The following RANBP2 variants were observed in gnomAD, a reference collection of about 807,000 sequenced individuals.
RANBP2 encodes the protein RAN binding protein 2.
Under a neutral mutation model 303.6 loss-of-function variants are expected in RANBP2, and 57 were observed. The observed-to-expected ratio is 0.19, with a 90% confidence interval of 0.15 to 0.23. The LOEUF (loss-of-function observed/expected upper bound fraction) is 0.23. RANBP2 is among the 10% of genes least tolerant of loss of function. The probability of loss-of-function intolerance (pLI) is 1.00; values close to 1 mark genes in which losing one functional copy is unlikely to be tolerated. For missense variants in RANBP2, 3,138 were observed against 3,780.8 expected, an observed-to-expected ratio of 0.83 and a Z score of 4.46; for synonymous variants, 1,167 against 1,301.5, an observed-to-expected ratio of 0.90 and a Z score of 2.23.
chr2:108,858,765 G>A, the RANBP2 span, among the ~76,000 whole-genome samples: 1 of 151,700 alleles, frequency 6.6e-6, no homozygotes, highest in Admixed American at 6.6e-5. Context: ...TTTATTGTGT[G>A]ATGCTGAGGT....
chr2:109,235,089 G>A, the RANBP2 span, among the ~76,000 whole-genome samples: 6 of 152,214 alleles, frequency 3.9e-5, no homozygotes, highest in Non-Finnish European at 8.8e-5. Flanking sequence ...TTTAGAACCA[G>A]ACCACAGAGC....
At chr2:108,843,447 C>T in the RANBP2 span, among the ~76,000 whole-genome samples, 9 of 152,198 alleles carry the variant, frequency 5.9e-5, no homozygotes, top group East Asian at 1.9e-4. Context: ...CATAAGCCAC[C>T]GCACCTGGCC....
chr2:109,579,203 T>G, the RANBP2 span, among the ~76,000 whole-genome samples: 9 of 152,162 alleles, frequency 5.9e-5, no homozygotes, highest in African/African-American at 9.7e-5. Flanking sequence ...TCCTGGAAAA[T>G]TATAACTTAC....
the RANBP2 span, among the ~76,000 whole-genome samples, chr2:108,989,813 A>AC: frequency 1.8e-5 from 2 of 111,124 alleles, no homozygotes; most frequent in South Asian, 4.0e-4. Context: ...AAAGTAAATG[A>AC]TTGGGGGGGG....
the RANBP2 span, among the ~76,000 whole-genome samples, chr2:109,274,236 G>A: frequency 1.3e-5 from 2 of 152,164 alleles, no homozygotes; most frequent in Non-Finnish European, 2.9e-5. Flanking sequence ...AAGTTCATTG[G>A]TCCTAAACAT....
chr2:109,405,806 C>T, the RANBP2 span, among the ~76,000 whole-genome samples: 1 of 152,378 alleles, frequency 6.6e-6, no homozygotes, highest in East Asian at 1.9e-4. Flanking sequence ...GGCCATCCCC[C>T]CTTCCTCCCT....
chr2:108,779,951 T>G (rs931566640), intron 25 of RANBP2, among the ~76,000 whole-genome samples: 2 of 152,162 alleles, frequency 1.3e-5, no homozygotes, highest in African/African-American at 4.8e-5. Context: ...GTGGCTAATT[T>G]GGAAGTAGCA....
chr2:109,580,505 A>G, the RANBP2 span, among the ~76,000 whole-genome samples: 2 of 152,188 alleles, frequency 1.3e-5, no homozygotes, highest in South Asian at 4.1e-4. Context: ...AGCATGGTAC[A>G]TGGTAAAAAA....
At chr2:109,729,997 A>G in the RANBP2 span, among the ~76,000 whole-genome samples, 1 of 152,124 alleles carries the variant, frequency 6.6e-6, no homozygotes, top group African/African-American at 2.4e-5. Flanking sequence ...GCCAGAACTC[A>G]CTCAGTATCA....
At chr2:109,317,422 G>A in the RANBP2 span, among the ~76,000 whole-genome samples, 3 of 152,042 alleles carry the variant, frequency 2.0e-5, no homozygotes, top group Non-Finnish European at 4.4e-5. Context: ...GCTCAGAAGG[G>A]ACACTGTCTA....
chr2:109,605,327 A>AGT, the RANBP2 span: 139 of 152,290 alleles, frequency 9.1e-4, no homozygotes, highest in African/African-American at 3.3e-3. Context: ...AAAATTAGCC[A>AGT]GGCATGGTGG....
the RANBP2 span, among the ~76,000 whole-genome samples, chr2:109,348,241 C>G: frequency 6.6e-6 from 1 of 152,196 alleles, no homozygotes; most frequent in African/African-American, 2.4e-5. Flanking sequence ...GGAGCAGAAC[C>G]CTCAGTTAAC....
At chr2:109,102,664 T>C in the RANBP2 span, among the ~76,000 whole-genome samples, 1 of 152,064 alleles carries the variant, frequency 6.6e-6, no homozygotes, top group Non-Finnish European at 1.5e-5. Context: ...CTATCATCTG[T>C]CAAAACGCAT....
the RANBP2 span, among the ~76,000 whole-genome samples, chr2:108,989,891 T>C: frequency 1.3e-5 from 2 of 152,052 alleles, no homozygotes; most frequent in African/African-American, 4.8e-5. Flanking sequence ...CACAGATAAA[T>C]ACAGGAACAG....
At chr2:109,504,138 A>G in the RANBP2 span, 1 of 152,262 alleles carries the variant, frequency 6.6e-6, no homozygotes, top group Non-Finnish European at 1.5e-5. Flanking sequence ...GAGCAGGAGC[A>G]GAATTAGCCC....
chr2:108,719,642 C>T lies in RANBP2; in HGVS notation c.36C>T (p.Ile12=). Residue 12 remains isoleucine (I), a synonymous_variant, in exon 1 of 29, where the codon ATC becomes ATT. Coordinates refer to ENST00000283195, the MANE Select transcript of RANBP2 (RefSeq NM_006267.5). ...RRSKADVERY[I]ASVQGSTPSP... ...GCAAGGCTGACGTGGAGCGGTACAT[C>T]GCCTCGGTGCAGGGCTCCACCCCGT... 2 of 1,608,062 alleles carry T rather than the reference C, an allele frequency of 1.2e-6. No individual in the cohort carries two copies. The highest frequency in any genetic ancestry group is 1.1e-5 in the South Asian group (1 of 90,146).
At chr2:108,985,294 C>T in the RANBP2 span, among the ~76,000 whole-genome samples, 1 of 152,292 alleles carries the variant, frequency 6.6e-6, no homozygotes, top group South Asian at 2.1e-4. Context: ...AGTAACGTGA[C>T]TGTGGTTGTT....
intron 17 of RANBP2, among the ~76,000 whole-genome samples, chr2:108,757,638 G>A (rs949795246): frequency 1.3e-5 from 2 of 152,166 alleles, no homozygotes; most frequent in African/African-American, 4.8e-5. Flanking sequence ...GCTAATTTGG[G>A]GAGGTAACGC....
the RANBP2 span, among the ~76,000 whole-genome samples, chr2:108,971,626 G>A: frequency 2.0e-5 from 3 of 152,180 alleles, no homozygotes; most frequent in Non-Finnish European, 4.4e-5. Flanking sequence ...ATTAGAGATA[G>A]GATCAGCTCT....
Sources: gnomAD v4.1 joint callset for allele counts (sites outside exome capture counted in the v4.1 genomes callset) on GRCh38, gnomAD v4.1.1 for gene constraint, MANE v1.5 for transcripts, NCBI Gene and HGNC (gene_info 2026-07-23, HGNC 2026-07-21) for gene names.